Variants in SAMTOR observed in about 807,000 individuals in gnomAD.
SAMTOR encodes the protein S-adenosylmethionine sensor upstream of mTORC1, also known as UPF0532 protein C7orf60.
At chr7:112,894,732 C>T in the SAMTOR span, among the ~76,000 whole-genome samples, 1 of 152,138 alleles carries the variant, frequency 6.6e-6, no homozygotes, top group Non-Finnish European at 1.5e-5. Context: ...CCACAGGGTC[C>T]TTCCCACAAC....
the SAMTOR span, among the ~76,000 whole-genome samples, chr7:112,900,554 T>C: frequency 6.6e-6 from 1 of 152,206 alleles, no homozygotes; most frequent in African/African-American, 2.4e-5. Flanking sequence ...TTGTGAATAA[T>C]ATTCCATAAT....
the SAMTOR span, among the ~76,000 whole-genome samples, chr7:112,872,509 A>G: frequency 1.3e-5 from 2 of 152,180 alleles, no homozygotes; most frequent in Non-Finnish European, 2.9e-5. Flanking sequence ...CACATCCAAC[A>G]TCATGCTGAA....
At chr7:112,907,270 A>G in the SAMTOR span, among the ~76,000 whole-genome samples, 1 of 152,208 alleles carries the variant, frequency 6.6e-6, no homozygotes, top group Non-Finnish European at 1.5e-5. Flanking sequence ...TGTTGGGGAA[A>G]TGGATAACTT....
the SAMTOR span, among the ~76,000 whole-genome samples, chr7:112,897,160 G>C: frequency 0.61 from 92,966 of 152,004 alleles, 31,623 homozygotes; most frequent in East Asian, 0.9. Context: ...GGTTGCCTGG[G>C]ATAGGGTGTG....
At chr7:112,830,617 C>T in the SAMTOR span, among the ~76,000 whole-genome samples, 1 of 152,118 alleles carries the variant, frequency 6.6e-6, no homozygotes, top group African/African-American at 2.4e-5. Flanking sequence ...AAAACTAGTT[C>T]CTGATGGCAC....
the SAMTOR span, among the ~76,000 whole-genome samples, chr7:112,889,196 T>G: frequency 2.6e-5 from 4 of 152,192 alleles, no homozygotes; most frequent in Admixed American, 2.6e-4. Context: ...TCATTTGTAG[T>G]TAGAAAAATG....
chr7:112,871,012 G>A, the SAMTOR span, among the ~76,000 whole-genome samples: 1 of 152,156 alleles, frequency 6.6e-6, no homozygotes, highest in Non-Finnish European at 1.5e-5. Context: ...CCCAATGTTG[G>A]AGCATGCAGA....
chr7:112,904,340 A>C, the SAMTOR span, among the ~76,000 whole-genome samples: 4 of 152,186 alleles, frequency 2.6e-5, no homozygotes, highest in Non-Finnish European at 5.9e-5. Context: ...AATACAGACA[A>C]AATTATACAA....
chr7:112,884,287 T>C, the SAMTOR span, among the ~76,000 whole-genome samples: 1 of 152,076 alleles, frequency 6.6e-6, no homozygotes, highest in African/African-American at 2.4e-5. Flanking sequence ...AAATGTCATG[T>C]CCTCACATTT....
At chr7:112,936,072 T>C in the SAMTOR span, among the ~76,000 whole-genome samples, 2 of 152,208 alleles carry the variant, frequency 1.3e-5, no homozygotes, top group African/African-American at 2.4e-5. Flanking sequence ...TTGGTTTACA[T>C]GGAGGTCAAA....
the SAMTOR span, among the ~76,000 whole-genome samples, chr7:112,880,781 A>C: frequency 6.6e-6 from 1 of 152,214 alleles, no homozygotes; most frequent in Admixed American, 6.5e-5. Context: ...TCAAACTAGA[A>C]GCAAAACTAT....
chr7:112,849,654 G>A, the SAMTOR span, among the ~76,000 whole-genome samples: 1 of 152,134 alleles, frequency 6.6e-6, no homozygotes, highest in South Asian at 2.1e-4. Context: ...AGTGGTGAAA[G>A]TGGGCATCTT....
chr7:112,926,390 T>C, the SAMTOR span, among the ~76,000 whole-genome samples: 2 of 152,198 alleles, frequency 1.3e-5, no homozygotes, highest in African/African-American at 4.8e-5. Flanking sequence ...CTACAACTTT[T>C]TAGAAGACCT....
At chr7:112,909,955 A>T in the SAMTOR span, among the ~76,000 whole-genome samples, 1 of 151,744 alleles carries the variant, frequency 6.6e-6, no homozygotes, top group African/African-American at 2.4e-5. Flanking sequence ...TAGTATCCAC[A>T]TGTTACTTTT....
the SAMTOR span, among the ~76,000 whole-genome samples, chr7:112,919,916 A>G: frequency 6.6e-6 from 1 of 152,232 alleles, no homozygotes; most frequent in African/African-American, 2.4e-5. Context: ...TTGAAACTCC[A>G]AATAGACCAA....
the SAMTOR span, chr7:112,939,518 A>C: frequency 6.2e-7 from 1 of 1,605,736 alleles, no homozygotes; most frequent in Non-Finnish European, 8.5e-7. Flanking sequence ...GCCTCTTTGG[A>C]GGAGGGAAGA....
the SAMTOR span, among the ~76,000 whole-genome samples, chr7:112,902,416 CAA>C: frequency 8.1e-4 from 10 of 12,316 alleles, no homozygotes; most frequent in South Asian, 5.3e-3. Context: ...AACTCCGTCT[CAA>C]AAAAAAAAAA....
the SAMTOR span, among the ~76,000 whole-genome samples, chr7:112,880,385 G>A: frequency 5.3e-5 from 8 of 152,108 alleles, no homozygotes; most frequent in Admixed American, 4.6e-4. Context: ...GACTCAGAAT[G>A]TTAGATATTT....
At chr7:112,915,476 T>C in the SAMTOR span, 2 of 1,538,298 alleles carry the variant, frequency 1.3e-6, no homozygotes, top group African/African-American at 1.4e-5. Context: ...ATGAATTAAG[T>C]TTACACTGAA....
Sources: allele counts gnomAD v4.1 joint callset (sites outside exome capture counted in the v4.1 genomes callset), GRCh38; gene constraint gnomAD v4.1.1; transcripts MANE v1.5; gene names NCBI Gene and HGNC (gene_info 2026-07-23, HGNC 2026-07-21).